The following CLEC4A variants were observed in gnomAD, a reference collection of about 807,000 sequenced individuals.
CLEC4A encodes C-type (calcium dependent, carbohydrate-recognition domain) lectin, superfamily member 6.
In CLEC4A, 27 loss-of-function variants were observed where a neutral mutation model predicts 32.7. The ratio of observed to expected loss-of-function variants is 0.83; its 90% CI spans 0.61 to 1.14. The LOEUF (loss-of-function observed/expected upper bound fraction) is 1.14, where lower values mean the gene tolerates loss of function less well. Ranked by LOEUF, CLEC4A falls within the 50% of genes most tolerant of loss-of-function variation. The pLI, the probability that CLEC4A is intolerant of heterozygous loss-of-function variation, is 0.00. For synonymous variants in CLEC4A, 89 were observed against 93.7 expected (o/e 0.95, Z 0.29); for missense variants, 253 against 274.6 (o/e 0.92, Z 0.55).
intron 3 of CLEC4A, among the ~76,000 whole-genome samples, chr12:8,129,748 G>A (rs922920284): frequency 6.6e-6 from 1 of 152,192 alleles, no homozygotes; most frequent in Non-Finnish European, 1.5e-5. Context: ...CCGAGGTTGT[G>A]CCACTGCACT....
Position 8,135,723 on chromosome 12 carries a change from C to T in CLEC4A, c.437C>T (p.Thr146Ile), listed in dbSNP as rs1176691552. The change falls in exon 4 of 6, where the codon ACT becomes ATT. Residue 146 changes from threonine (T) to isoleucine (I), a missense_variant. Transcript: ENST00000229332. Reference protein sequence around the residue: ...RMEAHLLVINTQEEQDFIFQN... With the variant: ...RMEAHLLVINIQEEQDFIFQN... ...GAGGCTCACCTGCTGGTGATAAACA[C>T]TCAAGAAGAGCAGGTACTTTCTAAT... 2 of 1,614,028 alleles carry T rather than the reference C, an allele frequency of 1.2e-6. No homozygotes were observed. Among genetic ancestry groups the T allele is most frequent in the South Asian group, 2.2e-5 (2 of 91,084 alleles).
intron 2 of CLEC4A, among the ~76,000 whole-genome samples, chr12:8,128,602 G>A (rs4264221): frequency 6.6e-6 from 1 of 151,850 alleles, no homozygotes; most frequent in Non-Finnish European, 1.5e-5. Context: ...GTAGAGACGA[G>A]GTTTCACCAT....
chr12:8,118,767 A>G (rs147369694), upstream of CLEC4A, among the ~76,000 whole-genome samples: 67 of 152,350 alleles, frequency 4.4e-4, no homozygotes, highest in East Asian at 0.012. Flanking sequence ...AAACCACATC[A>G]TCATCCAAAA....
At chr12:8,122,612 C>T (rs1947843489), upstream of CLEC4A, among the ~76,000 whole-genome samples, 1 of 151,998 alleles carries the variant, frequency 6.6e-6, no homozygotes, top group Non-Finnish European at 1.5e-5. Context: ...AGATTGACGA[C>T]ATCCAGGAGA....
chr12:8,133,008 G>A (rs1948027184), intron 3 of CLEC4A, among the ~76,000 whole-genome samples: 1 of 152,078 alleles, frequency 6.6e-6, no homozygotes, highest in Admixed American at 6.5e-5. Flanking sequence ...TCTGCCTCCT[G>A]GGTTCAAGCG....
upstream of CLEC4A, among the ~76,000 whole-genome samples, chr12:8,122,173 A>G (rs1947837242): frequency 1.3e-5 from 2 of 151,710 alleles, no homozygotes; most frequent in South Asian, 4.2e-4. Flanking sequence ...GAAAGCTTCT[A>G]TGCAGAGGGA....
chr12:8,120,834 G>A (rs1257068245), upstream of CLEC4A: 1 of 152,120 alleles, frequency 6.6e-6, no homozygotes, highest in Non-Finnish European at 1.5e-5. Context: ...GTTCTCCTTT[G>A]TGAAAGGATT....
chr12:8,134,519 G>C (rs1591611310), intron 3 of CLEC4A: 2 of 1,613,812 alleles, frequency 1.2e-6, no homozygotes, highest in East Asian at 2.2e-5. Flanking sequence ...AGGGCTCCGG[G>C]GAGGCCCCAT....
At chr12:8,129,532 C>A (rs1164343388) in intron 3 of CLEC4A, among the ~76,000 whole-genome samples, 170 bp downstream of exon 3, 1 of 152,226 alleles carries the variant, frequency 6.6e-6, no homozygotes, top group African/African-American at 2.4e-5. Context: ...GTGGCTCACA[C>A]CTGTAATCCC....
At chr12:8,110,079 C>A in the CLEC4A span, among the ~76,000 whole-genome samples, 7 of 152,044 alleles carry the variant, frequency 4.6e-5, no homozygotes, top group African/African-American at 1.7e-4. Flanking sequence ...ATAGTATATA[C>A]CTTTTCACAT....
intron 4 of CLEC4A, among the ~76,000 whole-genome samples, chr12:8,136,340 G>A (rs5000742): frequency 0.88 from 133,430 of 152,204 alleles, 58,735 homozygotes; most frequent in East Asian, 0.96. Flanking sequence ...CAAGGCGGGC[G>A]GATCACTTGA....
chr12:8,112,862 A>G, the CLEC4A span, among the ~76,000 whole-genome samples: 1 of 152,224 alleles, frequency 6.6e-6, no homozygotes. Flanking sequence ...CCAAACTTAC[A>G]TACACAGAGG....
At chr12:8,130,635 G>A (rs1290521550) in intron 3 of CLEC4A, among the ~76,000 whole-genome samples, 4 of 152,234 alleles carry the variant, frequency 2.6e-5, no homozygotes, top group East Asian at 3.9e-4. Flanking sequence ...TCCCACCTCA[G>A]CCTCCCCGTG....
the CLEC4A span, among the ~76,000 whole-genome samples, chr12:8,103,404 T>TTTTTTTTTTTTTG: frequency 9.0e-6 from 1 of 110,970 alleles, no homozygotes. Flanking sequence ...TTTTTTTTTT[T>TTTTTTTTTTTTTG]TAGACGGAGT....
chr12:8,126,943 C>T (rs1047555453), intron 2 of CLEC4A, among the ~76,000 whole-genome samples: 1 of 152,186 alleles, frequency 6.6e-6, no homozygotes, highest in Non-Finnish European at 1.5e-5. Context: ...ATCATGAAGA[C>T]TGCTGTATAT....
the CLEC4A span, among the ~76,000 whole-genome samples, chr12:8,108,518 A>C: frequency 2.6e-5 from 4 of 152,222 alleles, no homozygotes; most frequent in African/African-American, 4.8e-5. Flanking sequence ...GTTCTCCATC[A>C]ATCACATATT....
chr12:8,115,538 A>C, the CLEC4A span, among the ~76,000 whole-genome samples: 1 of 152,200 alleles, frequency 6.6e-6, no homozygotes, highest in Non-Finnish European at 1.5e-5. Context: ...TCCTTGTAGC[A>C]TCTGTAGGAT....
chr12:8,109,834 A>G, the CLEC4A span, among the ~76,000 whole-genome samples: 1 of 151,996 alleles, frequency 6.6e-6, no homozygotes, highest in African/African-American at 2.4e-5. Flanking sequence ...CCAGGTGTGT[A>G]ATGGGATGGT....
At chr12:8,108,180 GCA>G in the CLEC4A span, among the ~76,000 whole-genome samples, 13 of 152,082 alleles carry the variant, frequency 8.5e-5, no homozygotes, top group Non-Finnish European at 1.8e-4. Context: ...TAATTTCCAT[GCA>G]ATTGTATGGT....
Sources: allele counts gnomAD v4.1 joint callset (sites outside exome capture counted in the v4.1 genomes callset), GRCh38; gene constraint gnomAD v4.1.1; transcripts MANE v1.5; gene names NCBI Gene and HGNC (gene_info 2026-07-23, HGNC 2026-07-21).